Variants in ADARB2 observed in about 807,000 individuals in gnomAD.
The protein encoded by ADARB2 is inactive double-stranded RNA-specific editase B2.
A neutral mutation model predicts 62.2 loss-of-function variants in ADARB2; 25 were observed. The ratio of observed to expected loss-of-function variants is 0.40; its 90% CI spans 0.29 to 0.56. The LOEUF (loss-of-function observed/expected upper bound fraction) is 0.56. Ranked by LOEUF, ADARB2 falls within the 20% of genes least tolerant of loss-of-function variation. ADARB2 has a pLI of 0.43. For missense variants in ADARB2, 1,071 were observed against 1,077.4 expected (o/e 0.99, Z 0.08); for synonymous variants, 572 against 500.8 (o/e 1.14, Z -1.90).
intron 1 of ADARB2, among the ~76,000 whole-genome samples, chr10:1,390,080 T>C (rs981198555): frequency 2.6e-5 from 4 of 152,226 alleles, no homozygotes; most frequent in Admixed American, 6.5e-5. Context: ...GATACATTAA[T>C]TGTGGTGCAT....
chr10:1,669,486 ACACT>A (rs945898474), intron 1 of ADARB2, among the ~76,000 whole-genome samples: 1 of 151,994 alleles, frequency 6.6e-6, no homozygotes, highest in South Asian at 2.1e-4. Context: ...AGACACACAC[ACACT>A]CACAGGGAGA....
At position 1,682,146 on chromosome 10, in the gene ADARB2, T is replaced by G. The variant is rs140783366; in HGVS notation, c.100+54905A>C. Among the ~76,000 whole-genome samples, 156 of 152,234 alleles carry G rather than the reference T, an allele frequency of 1.0e-3. 1 individual carries two copies. The highest frequency in any genetic ancestry group is 3.6e-3 in the African/African-American group (150 of 41,520). ...TGACTCATGAAGGGAAGAGTTGCAG[T>G]CAGTCAGGTGCAAAAATCATGAATG... On this transcript the variant is annotated intron_variant, in intron 1 of 9. Transcript: ENST00000381312.
In ADARB2 at chr10:1,477,680, C is replaced by A. The variant is rs1008527238; in HGVS notation, c.101-98520G>T. Among the ~76,000 whole-genome samples, 1 of 152,218 alleles carries A rather than the reference C, an allele frequency of 6.6e-6. No individual in the cohort carries two copies. The highest frequency in any genetic ancestry group is 2.1e-4 in the South Asian group (1 of 4,834). On this transcript the variant is annotated intron_variant, in intron 1 of 9. Transcript: ENST00000381312. This position sits in a 1 kb window ranked among gnomAD's most constrained non-coding sequence, Gnocchi z 4.5. ...CAACATGAAGCGTCAGCCTGTGCGCCTCTTTCCAGACGATAGGCGGGGTGC... is the reference window on the plus strand; with the variant it reads ...CAACATGAAGCGTCAGCCTGTGCGCATCTTTCCAGACGATAGGCGGGGTGC...
intron 3 of ADARB2, chr10:1,290,149 G>A (rs995263558): frequency 4.6e-5 from 7 of 152,278 alleles, no homozygotes; most frequent in African/African-American, 7.2e-5. Context: ...ATACGAGGCT[G>A]AGTCTCTCTT....
At chr10:1,354,874 G>C (rs1056403292) in intron 3 of ADARB2, among the ~76,000 whole-genome samples, 1 of 152,192 alleles carries the variant, frequency 6.6e-6, no homozygotes, top group African/African-American at 2.4e-5. Flanking sequence ...GAGGCTGTAG[G>C]CTCTCTGCTT....
intron 1 of ADARB2, among the ~76,000 whole-genome samples, chr10:1,484,989 G>A (rs547745386): frequency 1.2e-4 from 19 of 152,026 alleles, no homozygotes; most frequent in South Asian, 8.3e-4. Flanking sequence ...TGTCTATGTC[G>A]GCATTCAGGT....
intron 2 of ADARB2, among the ~76,000 whole-genome samples, chr10:1,374,976 G>C (rs1253917683): frequency 6.6e-6 from 1 of 151,976 alleles, no homozygotes; most frequent in Non-Finnish European, 1.5e-5. Context: ...TGGGGCCGGG[G>C]GTGGGAGGCA....
rs1235498848 is a variant in ADARB2 at position 1,564,942 on chromosome 10, T to C, written c.100+172109A>G. 2.6e-5 allele frequency among the ~76,000 whole-genome samples: 4 copies of C among 152,350 alleles called. No homozygotes were observed. The East Asian group carries it at 7.7e-4, about 29-fold the overall frequency. On this transcript the variant is annotated intron_variant, in intron 1 of 9. Transcript: ENST00000381312. ...TCTAATTTCTAGAGAATTTGAGCAATGGCTCCTCCAGCGATTCAGGCCTGG... is the reference window on the plus strand; with the variant it reads ...TCTAATTTCTAGAGAATTTGAGCAACGGCTCCTCCAGCGATTCAGGCCTGG...
In ADARB2 at chr10:1,693,648, T is replaced by C. The variant is rs74108986; in HGVS notation, c.100+43403A>G. On this transcript the variant is annotated intron_variant, in intron 1 of 9. Transcript: ENST00000381312. ...TGAAATTCATTCATTCTTTAATATATTTGACTCTTCCAACCATGGCTACAA... is the reference window on the plus strand; with the variant it reads ...TGAAATTCATTCATTCTTTAATATACTTGACTCTTCCAACCATGGCTACAA... 7.7e-3 allele frequency among the ~76,000 whole-genome samples: 1,172 copies of C among 152,312 alleles called. 17 individuals carry two copies. Among genetic ancestry groups the C allele is most frequent in the African/African-American group, 0.022 (915 of 41,558 alleles).
chr10:1,522,702 G>C (rs954429843), intron 1 of ADARB2, among the ~76,000 whole-genome samples: 1 of 152,044 alleles, frequency 6.6e-6, no homozygotes, highest in African/African-American at 2.4e-5. Context: ...TTCTTCCTTT[G>C]CCCGTTTATA....
chr10:1,184,464 A>G (rs1345622021), intron 9 of ADARB2, among the ~76,000 whole-genome samples: 1 of 152,176 alleles, frequency 6.6e-6, no homozygotes, highest in Non-Finnish European at 1.5e-5. Flanking sequence ...ATTACCTGTG[A>G]AATTTTGGGG....
At chr10:1,342,514 T>C (rs1832039950) in intron 3 of ADARB2, among the ~76,000 whole-genome samples, 1 of 152,210 alleles carries the variant, frequency 6.6e-6, no homozygotes, top group African/African-American at 2.4e-5. Context: ...GGGAAGCCAG[T>C]CTTTCCCTCT....
At chr10:1,335,520 TGGATGGAG>T (rs1397576703) in intron 3 of ADARB2, among the ~76,000 whole-genome samples, 3 of 145,422 alleles carry the variant, frequency 2.1e-5, no homozygotes, top group South Asian at 2.2e-4. Flanking sequence ...GATGGATGGA[TGGATGGAG>T]GGTTGGAGGG....
At chr10:1,611,146 G>A (rs527491695) in intron 1 of ADARB2, among the ~76,000 whole-genome samples, 13 of 152,266 alleles carry the variant, frequency 8.5e-5, no homozygotes, top group East Asian at 3.9e-4. Flanking sequence ...CCGTGGACCC[G>A]GCTTTCCCCA....
At chr10:1,258,942 AAACT>A (rs1350104326) in intron 4 of ADARB2, among the ~76,000 whole-genome samples, 1 of 152,240 alleles carries the variant, frequency 6.6e-6, no homozygotes, top group African/African-American at 2.4e-5. Flanking sequence ...AAATTATAAC[AAACT>A]GTCTCTGAGA....
chr10:1,469,951 T>C (rs751401260), intron 1 of ADARB2, among the ~76,000 whole-genome samples: 13 of 152,222 alleles, frequency 8.5e-5, no homozygotes, highest in Non-Finnish European at 1.8e-4. Flanking sequence ...GAGTTCAGTT[T>C]GGATGAAGCA....
intron 3 of ADARB2, among the ~76,000 whole-genome samples, chr10:1,333,454 A>T (rs1831946871): frequency 6.6e-6 from 1 of 152,142 alleles, no homozygotes; most frequent in African/African-American, 2.4e-5. Flanking sequence ...CAGGTCCAGG[A>T]CCTCAACCAC....
At chr10:1,490,254 T>C (rs186959908) in intron 1 of ADARB2, among the ~76,000 whole-genome samples, 5 of 152,184 alleles carry the variant, frequency 3.3e-5, no homozygotes, top group Admixed American at 3.3e-4. Flanking sequence ...AGAAAGGCAA[T>C]AATGGGATGA....
intron 2 of ADARB2, among the ~76,000 whole-genome samples, chr10:1,366,099 C>A (rs138774217): frequency 2.6e-5 from 4 of 152,108 alleles, no homozygotes; most frequent in African/African-American, 9.7e-5. Context: ...GCTGCTGATG[C>A]GTGGGTAATA....
Sources: gnomAD v4.1 joint callset for allele counts (sites outside exome capture counted in the v4.1 genomes callset) on GRCh38, gnomAD v4.1.1 for gene constraint, Gnocchi (gnomAD v3.1) non-coding constraint, MANE v1.5 for transcripts, NCBI Gene and HGNC (gene_info 2026-07-23, HGNC 2026-07-21) for gene names.